The following NRCAM variants were observed in gnomAD, a reference collection of about 807,000 sequenced individuals.
NRCAM encodes the protein NgCAM-related cell adhesion molecule.
NRCAM carries 83 observed loss-of-function variants against 156.5 expected under a neutral mutation model. The ratio of observed to expected loss-of-function variants is 0.53; its 90% confidence interval spans 0.44 to 0.64. The LOEUF (loss-of-function observed/expected upper bound fraction) is 0.64, where lower values mean the gene tolerates loss of function less well. NRCAM is among the 30% of genes least tolerant of loss of function. The pLI is 0.00. For synonymous variants in NRCAM, 538 were observed against 563.9 expected, an observed-to-expected ratio of 0.95 and a Z score of 0.65; for missense variants, 1,417 against 1,597.3, an observed-to-expected ratio of 0.89 and a Z score of 1.92.
At chr7:108,284,916 C>T (rs1349423616) in intron 3 of NRCAM, among the ~76,000 whole-genome samples, 6 of 152,226 alleles carry the variant, frequency 3.9e-5, no homozygotes, top group Admixed American at 3.9e-4. Flanking sequence ...ATTAGCACTC[C>T]AGCAAATGAA....
chr7:108,161,939 GTT>G (rs2049323868), intron 30 of NRCAM, among the ~76,000 whole-genome samples: 1 of 152,178 alleles, frequency 6.6e-6, no homozygotes, highest in African/African-American at 2.4e-5. Flanking sequence ...TAAAGCATCA[GTT>G]TAGGCAGTTT....
chr7:108,198,567 G>A (rs1025876026), intron 13 of NRCAM, among the ~76,000 whole-genome samples: 1 of 152,054 alleles, frequency 6.6e-6, no homozygotes, highest in East Asian at 1.9e-4. Flanking sequence ...ACATTGCCGT[G>A]TTCAAGAGAT....
chr7:108,278,413 C>A (rs1470692614), intron 3 of NRCAM, among the ~76,000 whole-genome samples: 1 of 152,202 alleles, frequency 6.6e-6, no homozygotes, highest in Non-Finnish European at 1.5e-5. Flanking sequence ...AGCTTCCCTG[C>A]CACTTTGTTT....
At chr7:108,338,535 G>A (rs1198522991) in intron 2 of NRCAM, among the ~76,000 whole-genome samples, 2 of 149,818 alleles carry the variant, frequency 1.3e-5, no homozygotes, top group African/African-American at 2.4e-5. Flanking sequence ...GTTTGTAAAT[G>A]GCTAAGAGAG....
rs74501545 is a variant in NRCAM, at chr7:108,241,842, C to T, written c.-106-1672G>A. 8.5e-4 allele frequency among the ~76,000 whole-genome samples: 129 copies of T among 152,046 alleles called. 1 individual carries two copies. Among genetic ancestry groups the T allele is most frequent in the African/African-American group, 2.8e-3 (115 of 41,484 alleles). On this transcript the variant is annotated intron_variant, in intron 3 of 32. Coordinates refer to ENST00000379028, the MANE Select transcript of NRCAM (RefSeq NM_001037132.4). ...TGTTAATATGATCAAATTAGTTGTA[C>T]GATCATGTCTCTGTGTGGAATAGTG...
chr7:108,456,061 G>T (rs967449435), intron 1 of NRCAM, among the ~76,000 whole-genome samples, 182 bp downstream of exon 1: 3 of 152,096 alleles, frequency 2.0e-5, no homozygotes, highest in African/African-American at 7.2e-5. Context: ...GCCTGCAGGG[G>T]AGAAGGGAGT....
At chr7:108,233,921 A>G (rs529186112) in intron 6 of NRCAM, among the ~76,000 whole-genome samples, 3 of 152,212 alleles carry the variant, frequency 2.0e-5, no homozygotes, top group Non-Finnish European at 4.4e-5. Flanking sequence ...TTTCCCATCT[A>G]TAAAATGTAT....
At chr7:108,175,584 A>G (rs1045800410) in intron 27 of NRCAM, among the ~76,000 whole-genome samples, 4 of 152,170 alleles carry the variant, frequency 2.6e-5, no homozygotes, top group Non-Finnish European at 5.9e-5. Context: ...AATACCCAGT[A>G]TTCAAACACA....
chr7:108,197,326 G>C (rs2075684532), intron 14 of NRCAM, among the ~76,000 whole-genome samples: 1 of 152,108 alleles, frequency 6.6e-6, no homozygotes, highest in Admixed American at 6.6e-5. Context: ...TGGTAATTTT[G>C]TTTGAAAAGG....
chr7:108,367,204 C>A (rs1191587801), intron 2 of NRCAM, among the ~76,000 whole-genome samples: 1 of 152,104 alleles, frequency 6.6e-6, no homozygotes, highest in Non-Finnish European at 1.5e-5. Context: ...TGGATCCAAT[C>A]AAATATTTTG....
At chr7:108,248,576 C>T (rs1483441615) in intron 3 of NRCAM, among the ~76,000 whole-genome samples, 1 of 152,094 alleles carries the variant, frequency 6.6e-6, no homozygotes, top group African/African-American at 2.4e-5. Flanking sequence ...ATTGATACTT[C>T]GCCTGTTCTA....
intron 3 of NRCAM, among the ~76,000 whole-genome samples, chr7:108,277,911 G>A (rs1457774900): frequency 6.6e-6 from 1 of 152,200 alleles, no homozygotes; most frequent in Non-Finnish European, 1.5e-5. Flanking sequence ...GTGACCTAGA[G>A]ATGGGGTTTT....
chr7:108,189,547 C>A (rs1222856936), intron 20 of NRCAM, 98 bp downstream of exon 20: 33 of 685,220 alleles, frequency 4.8e-5, no homozygotes, highest in Non-Finnish European at 8.1e-5. Flanking sequence ...CAGAGAATCC[C>A]AGTAAATACC....
intron 3 of NRCAM, among the ~76,000 whole-genome samples, chr7:108,293,920 T>C (rs963762585): frequency 6.6e-6 from 1 of 152,172 alleles, no homozygotes; most frequent in East Asian, 1.9e-4. Flanking sequence ...TTAATTCACC[T>C]ATTGTCTTTT....
chr7:108,243,757 T>TC (rs2095703824), intron 3 of NRCAM, among the ~76,000 whole-genome samples: 2 of 152,198 alleles, frequency 1.3e-5, no homozygotes, highest in South Asian at 4.1e-4. Context: ...AGAGTAATGA[T>TC]AAAGAGCAAA....
chr7:108,254,291 T>G (rs369140951), intron 3 of NRCAM, among the ~76,000 whole-genome samples: 2 of 152,184 alleles, frequency 1.3e-5, no homozygotes, highest in African/African-American at 4.8e-5. Flanking sequence ...AATAAAAAGA[T>G]GGACAAAAAT....
intron 2 of NRCAM, among the ~76,000 whole-genome samples, chr7:108,394,138 C>T (rs1412850150): frequency 6.6e-6 from 1 of 152,144 alleles, no homozygotes; most frequent in East Asian, 1.9e-4. Context: ...GGGCCTGGGG[C>T]AAACAGTATA....
chr7:108,335,785 T>C (rs935658827), intron 2 of NRCAM, among the ~76,000 whole-genome samples: 1 of 152,186 alleles, frequency 6.6e-6, no homozygotes, highest in Non-Finnish European at 1.5e-5. Flanking sequence ...GGAGAGATTC[T>C]AGCTCACACA....
At chr7:108,218,184 G>T (rs923022776) in intron 11 of NRCAM, among the ~76,000 whole-genome samples, 5 of 151,606 alleles carry the variant, frequency 3.3e-5, no homozygotes, top group Non-Finnish European at 7.4e-5. Flanking sequence ...GGGGGGGGGG[G>T]GGAGTTCCCC....
Sources: allele counts gnomAD v4.1 joint callset (sites outside exome capture counted in the v4.1 genomes callset), GRCh38; gene constraint gnomAD v4.1.1; transcripts MANE v1.5; gene names NCBI Gene and HGNC (gene_info 2026-07-23, HGNC 2026-07-21).